The following AHRR variants were observed in gnomAD, a reference collection of about 807,000 sequenced individuals.
AHRR encodes ahR repressor.
A neutral mutation model predicts 44.0 loss-of-function variants in AHRR; 28 were observed. That is an observed-to-expected ratio of 0.64 (90% CI 0.47 to 0.87). The LOEUF (loss-of-function observed/expected upper bound fraction) is 0.87, where lower values mean the gene tolerates loss of function less well. Among genes scored for constraint, AHRR ranks in the 40% least tolerant of loss-of-function variants. AHRR has a pLI of 0.00. For synonymous variants in AHRR, 434 were observed against 407.0 expected, an observed-to-expected ratio of 1.07 and a Z score of -0.80; for missense variants, 990 against 953.9, an observed-to-expected ratio of 1.04 and a Z score of -0.50.
chr5:352,808 C>CTGTGAGGTTAAATGGG (rs1742903081), intron 2 of AHRR, among the ~76,000 whole-genome samples: 1 of 151,296 alleles, frequency 6.6e-6, no homozygotes, highest in Non-Finnish European at 1.5e-5. Context: ...GGGATGGTCA[C>CTGTGAGGTTAAATGGG]TCTGAGGTTA....
At chr5:417,143 G>C (rs1579692264) in intron 5 of AHRR, among the ~76,000 whole-genome samples, 1 of 138,242 alleles carries the variant, frequency 7.2e-6, no homozygotes, top group Admixed American at 7.7e-5. Flanking sequence ...TATGTGCAGG[G>C]CCTGAGTCTG....
intron 3 of AHRR, chr5:367,677 C>T: frequency 1.7e-6 from 1 of 599,156 alleles, no homozygotes; most frequent in Non-Finnish European, 3.0e-6. Context: ...AGGCCTTCCC[C>T]AGCCTCACTT....
chr5:373,621 AGAG>A (rs1169356618), intron 3 of AHRR, among the ~76,000 whole-genome samples: 2 of 150,640 alleles, frequency 1.3e-5, no homozygotes, highest in African/African-American at 2.4e-5. Context: ...TCCACATCAC[AGAG>A]GAGGAGACTG....
At chr5:344,027 T>A in intron 2 of AHRR, 63 bp downstream of exon 2, 1 of 1,532,176 alleles carries the variant, frequency 6.5e-7, no homozygotes, top group Non-Finnish European at 8.8e-7. Context: ...GGGTTGGGGT[T>A]TGCCTTGAAA....
intron 2 of AHRR, among the ~76,000 whole-genome samples, chr5:350,541 G>A (rs1379373205): frequency 6.6e-6 from 1 of 151,998 alleles, no homozygotes; most frequent in Non-Finnish European, 1.5e-5. Context: ...CACTGCCTTC[G>A]GCCATCTCTC....
chr5:361,653 G>C (rs999150148), intron 3 of AHRR, among the ~76,000 whole-genome samples: 3 of 152,200 alleles, frequency 2.0e-5, no homozygotes, highest in Non-Finnish European at 4.4e-5. Flanking sequence ...GCTTTGCCTT[G>C]CTAGACGTGT....
intron 4 of AHRR, among the ~76,000 whole-genome samples, chr5:400,462 G>A (rs529368822): frequency 1.4e-4 from 22 of 152,184 alleles, no homozygotes; most frequent in Admixed American, 1.2e-3. Context: ...GCACATGGAT[G>A]TGATCTTTTT....
intron 1 of AHRR, among the ~76,000 whole-genome samples, chr5:332,760 G>C (rs1421841813): frequency 6.6e-6 from 1 of 152,242 alleles, no homozygotes; most frequent in East Asian, 1.9e-4. Context: ...GCCATGAGTA[G>C]TGTGTTGAAG....
At chr5:433,795 G>T in intron 10 of AHRR, 58 bp from the exon 11 acceptor site, 1 of 1,435,864 alleles carries the variant, frequency 7.0e-7, no homozygotes, top group Non-Finnish European at 9.1e-7. Context: ...CCCCACCCAG[G>T]GCAGCCAGAC....
In AHRR at chr5:405,471, CTGGGCAGG is replaced by C. The variant is rs1735216501; in HGVS notation, c.352-7872_352-7865del. On this transcript the variant is annotated intron_variant, in intron 4 of 10. Transcript: ENST00000684583. The surrounding 1 kb of genome is among the most constrained non-coding windows in gnomAD (Gnocchi z 4.5). Reference sequence around the variant, plus strand: ...GTTGCCCGCTGTTTTGTTGTGACAGCTGGGCAGGGGCTCCCTGACATCTTCCTCCGAGT... The same window carrying C: ...GTTGCCCGCTGTTTTGTTGTGACAGCGGCTCCCTGACATCTTCCTCCGAGT... 6.6e-6 allele frequency among the ~76,000 whole-genome samples: 1 copy of C among 152,200 alleles called. No homozygotes were observed. Among genetic ancestry groups the C allele is most frequent in the Non-Finnish European group, 1.5e-5 (1 of 68,036 alleles).
intron 5 of AHRR, among the ~76,000 whole-genome samples, chr5:422,131 A>T (rs1359675837): frequency 6.6e-6 from 1 of 152,126 alleles, no homozygotes; most frequent in East Asian, 1.9e-4. Context: ...GTGACAGCTG[A>T]GTACCCCTTG....
chr5:375,330 G>A (rs1181107826), intron 3 of AHRR, among the ~76,000 whole-genome samples: 1 of 152,204 alleles, frequency 6.6e-6, no homozygotes, highest in Admixed American at 6.5e-5. Flanking sequence ...TTGATTTTCT[G>A]TCTGGGTCGG....
chr5:376,552 A>ATGAGAGCCGTGTGGT, intron 3 of AHRR, 58 bp from the exon 4 acceptor site: 1 of 1,397,072 alleles, frequency 7.2e-7, no homozygotes, highest in Non-Finnish European at 9.7e-7. Flanking sequence ...ATGTGAATGA[A>ATGAGAGCCGTGTGGT]GAAGAGTGGC....
chr5:360,188 C>T (rs994074462), intron 3 of AHRR, among the ~76,000 whole-genome samples: 4 of 152,126 alleles, frequency 2.6e-5, no homozygotes, highest in Non-Finnish European at 4.4e-5. Flanking sequence ...CCCAAAAGAA[C>T]CCTCTGTCCC....
At position 326,739 on chromosome 5, in the gene AHRR, A is replaced by C. The variant is rs112039995; in HGVS notation, c.-11+4920A>C. 4.6e-5 allele frequency among the ~76,000 whole-genome samples: 7 copies of C among 152,168 alleles called. No individual in the cohort carries two copies. The highest frequency in any genetic ancestry group is 8.8e-5 in the Non-Finnish European group (6 of 67,996). On this transcript the variant is annotated intron_variant, in intron 1 of 10. Transcript: ENST00000684583. The surrounding 1 kb of genome is among the most constrained non-coding windows in gnomAD (Gnocchi z 4.1). ...ACAGTTCCAATTTCTCCATAGCCCC[A>C]CTGACCCTTGTTATGTTCCATTAAA...
rs758176713 is a variant in AHRR, at chr5:427,921, C to T, written c.823C>T (p.Leu275Phe). The change falls in exon 8 of 11, where the codon CTC (leucine) becomes TTC (phenylalanine). Residue 275 changes from leucine (L) to phenylalanine (F), a missense_variant. Physicochemically the swap from Leu to Phe is conservative, Grantham distance 22 (BLOSUM62 0). Coordinates refer to ENST00000684583, the MANE Select transcript of AHRR (RefSeq NM_001377236.1). The stretch of plus-strand genomic sequence containing the variant: ...GTTCTGCATTGCGGCACCCGTTCTC[C>T]TCCCCTCCGCAGCGGAGATGAAAAT... Reference protein sequence around the residue: ...SLFCIAAPVLLPSAAEMKMRS... With the variant: ...SLFCIAAPVLFPSAAEMKMRS... 2 of 1,614,122 alleles carry T rather than the reference C, an allele frequency of 1.2e-6. No individual in the cohort carries two copies. The highest frequency in any genetic ancestry group is 1.7e-6 in the Non-Finnish European group (2 of 1,180,042).
At chr5:382,261 G>A (rs1193147326) in intron 4 of AHRR, among the ~76,000 whole-genome samples, 4 of 152,204 alleles carry the variant, frequency 2.6e-5, no homozygotes, top group Non-Finnish European at 5.9e-5. Context: ...CTCTTGAAAT[G>A]TTTGGTAGAA....
In AHRR at chr5:387,685, A is replaced by G. The variant is rs967604348; in HGVS notation, c.351+10969A>G. Among the ~76,000 whole-genome samples, 1 of 152,126 alleles carries G rather than the reference A, an allele frequency of 6.6e-6. No individual in the cohort carries two copies. Among genetic ancestry groups the G allele is most frequent in the Non-Finnish European group, 1.5e-5 (1 of 68,018 alleles). ...AGCAGTGGTAATACCGGTAACACAT[A>G]GTGGTGATGGTGGTGGACGCTCGTG... On this transcript the variant is annotated intron_variant, in intron 4 of 10. Coordinates refer to ENST00000684583, the MANE Select transcript of AHRR (RefSeq NM_001377236.1). This position sits in a 1 kb window ranked among gnomAD's most constrained non-coding sequence, Gnocchi z 5.1.
At chr5:382,136 T>C (rs1734010456) in intron 4 of AHRR, among the ~76,000 whole-genome samples, 1 of 152,224 alleles carries the variant, frequency 6.6e-6, no homozygotes, top group Non-Finnish European at 1.5e-5. Flanking sequence ...GTAATGTTTT[T>C]GTTTGATTTT....
Sources: gnomAD v4.1 joint callset for allele counts (sites outside exome capture counted in the v4.1 genomes callset) on GRCh38, gnomAD v4.1.1 for gene constraint, Gnocchi (gnomAD v3.1) non-coding constraint, MANE v1.5 for transcripts, NCBI Gene and HGNC (gene_info 2026-07-23, HGNC 2026-07-21) for gene names.